Variants in SORCS3 observed in about 807,000 individuals in gnomAD.
SORCS3 encodes the protein VPS10 domain-containing receptor SorCS3.
SORCS3 carries 57 observed loss-of-function variants against 146.3 expected under a neutral mutation model. The observed-to-expected ratio is 0.39, with a 90% CI of 0.31 to 0.49. The LOEUF (loss-of-function observed/expected upper bound fraction) is 0.49, where lower values mean the gene tolerates loss of function less well. Among genes scored for constraint, SORCS3 ranks in the 20% least tolerant of loss-of-function variants. The pLI, the probability that SORCS3 is intolerant of heterozygous loss-of-function variation, is 0.92. For synonymous variants in SORCS3, 653 were observed against 618.5 expected (o/e 1.06, Z -0.83); for missense variants, 1,341 against 1,575.5 (o/e 0.85, Z 2.52).
intron 1 of SORCS3, among the ~76,000 whole-genome samples, chr10:104,748,350 A>G (rs571391572): frequency 2.6e-5 from 4 of 152,340 alleles, no homozygotes; most frequent in East Asian, 3.9e-4. Context: ...AACCAGCCCG[A>G]TAAAATCAGT....
rs756083149 is a variant in SORCS3, at chr10:105,255,738, T to C, written c.3274T>C (p.Leu1092=). Residue 1092 remains leucine, a synonymous_variant, in exon 24 of 27, where the codon TTG becomes CTG. Coordinates refer to ENST00000369701, the MANE Select transcript of SORCS3 (RefSeq NM_014978.3). ...ETLFNALNQN[L]VQFELKPGVQ... ...ACTGTTTAATGCTCTCAACCAAAAT[T>C]TGGTCCAGTTTGAGCTGAAGCCGGG... 14 of 1,613,924 alleles carry C rather than the reference T, an allele frequency of 8.7e-6. No homozygotes were observed. The South Asian group carries it at 1.5e-4, about 18-fold the overall frequency.
At chr10:105,104,031 A>G (rs2055804260) in intron 6 of SORCS3, among the ~76,000 whole-genome samples, 1 of 152,170 alleles carries the variant, frequency 6.6e-6, no homozygotes, top group African/African-American at 2.4e-5. Context: ...TTACTTAAAC[A>G]GAGATCATTT....
chr10:105,041,786 A>G (rs1306911050), intron 4 of SORCS3, among the ~76,000 whole-genome samples: 1 of 152,132 alleles, frequency 6.6e-6, no homozygotes, highest in Non-Finnish European at 1.5e-5. Flanking sequence ...GAGAGCAGAT[A>G]TTGGGGATGT....
chr10:104,927,051 A>G (rs1589552273), intron 3 of SORCS3, among the ~76,000 whole-genome samples: 2 of 152,250 alleles, frequency 1.3e-5, no homozygotes, highest in Admixed American at 1.3e-4. Context: ...TTAGGTGCTT[A>G]TGTTTGCTCA....
At chr10:105,020,198 C>T (rs539134705) in intron 4 of SORCS3, among the ~76,000 whole-genome samples, 33 of 152,292 alleles carry the variant, frequency 2.2e-4, no homozygotes, top group African/African-American at 7.5e-4. Flanking sequence ...TTATTGGTAT[C>T]CATAGGGCTG....
chr10:104,868,843 A>G (rs1465355927), intron 2 of SORCS3, among the ~76,000 whole-genome samples: 2 of 152,222 alleles, frequency 1.3e-5, no homozygotes, highest in South Asian at 2.1e-4. Context: ...GCTTGAAAAT[A>G]TCATATACCC....
intron 4 of SORCS3, among the ~76,000 whole-genome samples, chr10:105,042,699 A>G (rs185698196): frequency 2.0e-5 from 3 of 152,198 alleles, no homozygotes; most frequent in East Asian, 1.9e-4. Context: ...GATATTTTGC[A>G]TGTAATATTG....
intron 7 of SORCS3, among the ~76,000 whole-genome samples, chr10:105,137,206 T>C (rs964731574): frequency 6.6e-6 from 1 of 152,172 alleles, no homozygotes; most frequent in Admixed American, 6.5e-5. Context: ...CATTCAGGAA[T>C]GGGACTTGCC....
At position 105,264,488 on chromosome 10, in the gene SORCS3, C is replaced by T. The variant is rs1337189274; in HGVS notation, c.*1114C>T. 6.6e-6 allele frequency: 1 copy of T among 152,222 alleles called. No homozygotes were observed. Among genetic ancestry groups the T allele is most frequent in the East Asian group, 1.9e-4 (1 of 5,184 alleles). The allele number at this position is 152,222 out of a possible 1,614,324, so 9.4% of individuals were successfully genotyped here. On this transcript the variant is annotated 3_prime_UTR_variant, in exon 27 of 27. Coordinates refer to ENST00000369701, the MANE Select transcript of SORCS3 (RefSeq NM_014978.3). ...AAGTCCCCTGGGCACTAGGTAAAGCCCAGTGAATGTCTCTTGGCATGGGAG... is the reference window on the plus strand; with the variant it reads ...AAGTCCCCTGGGCACTAGGTAAAGCTCAGTGAATGTCTCTTGGCATGGGAG...
At chr10:104,966,365 G>A (rs995986408) in intron 3 of SORCS3, among the ~76,000 whole-genome samples, 18 of 152,054 alleles carry the variant, frequency 1.2e-4, no homozygotes, top group African/African-American at 3.9e-4. Flanking sequence ...TGGGTTTAGC[G>A]GATAGCTATG....
intron 3 of SORCS3, among the ~76,000 whole-genome samples, chr10:104,939,934 G>T (rs2019295166): frequency 6.6e-6 from 1 of 151,714 alleles, no homozygotes; most frequent in Non-Finnish European, 1.5e-5. Flanking sequence ...ACCGGAAAGG[G>T]GTCTGGATCC....
intron 20 of SORCS3, among the ~76,000 whole-genome samples, chr10:105,226,300 C>G (rs1234906859): frequency 6.6e-6 from 1 of 151,916 alleles, no homozygotes; most frequent in African/African-American, 2.4e-5. Flanking sequence ...TTTTCTGAAT[C>G]TATTAACATG....
At chr10:105,159,903 G>A (rs1431535596) in intron 11 of SORCS3, among the ~76,000 whole-genome samples, 5 of 152,148 alleles carry the variant, frequency 3.3e-5, no homozygotes, top group African/African-American at 1.2e-4. Context: ...TAGCCTTCTG[G>A]CATGTTAGTC....
intron 7 of SORCS3, among the ~76,000 whole-genome samples, chr10:105,106,903 G>A (rs1050049007): frequency 6.6e-6 from 1 of 152,250 alleles, no homozygotes; most frequent in South Asian, 2.1e-4. Flanking sequence ...CATAGCACCA[G>A]TCACTACTCT....
At chr10:104,763,708 A>G (rs942650789) in intron 1 of SORCS3, among the ~76,000 whole-genome samples, 1 of 152,170 alleles carries the variant, frequency 6.6e-6, no homozygotes, top group African/African-American at 2.4e-5. Context: ...ATTAATTGAT[A>G]TTGTTTGGCT....
At chr10:105,227,398 G>A (rs1209031328) in intron 20 of SORCS3, among the ~76,000 whole-genome samples, 1 of 151,986 alleles carries the variant, frequency 6.6e-6, no homozygotes, top group Non-Finnish European at 1.5e-5. Flanking sequence ...TTCCATTGTG[G>A]TCTGAGAAGA....
chr10:104,741,455 C>T (rs1469992349), intron 1 of SORCS3, among the ~76,000 whole-genome samples: 1 of 151,976 alleles, frequency 6.6e-6, no homozygotes, highest in African/African-American at 2.4e-5. Flanking sequence ...TGGAGTTTGT[C>T]AAGCTGCTTG....
At chr10:105,100,673 T>C (rs997852894) in intron 6 of SORCS3, among the ~76,000 whole-genome samples, 2 of 152,244 alleles carry the variant, frequency 1.3e-5, no homozygotes, top group African/African-American at 4.8e-5. Context: ...ATGATTTAAA[T>C]TCAGAATATG....
At chr10:105,183,685 A>C (rs910573650) in intron 14 of SORCS3, among the ~76,000 whole-genome samples, 6 of 152,086 alleles carry the variant, frequency 3.9e-5, no homozygotes, top group Non-Finnish European at 8.8e-5. Context: ...TGCTTGATTC[A>C]TAACCTTCAG....
Sources: allele counts gnomAD v4.1 joint callset (sites outside exome capture counted in the v4.1 genomes callset), GRCh38; gene constraint gnomAD v4.1.1; transcripts MANE v1.5; gene names NCBI Gene and HGNC (gene_info 2026-07-23, HGNC 2026-07-21).